The following PRKG1 variants were observed in gnomAD, a reference collection of about 807,000 sequenced individuals.
The protein encoded by PRKG1 is cGMP-dependent protein kinase 1.
PRKG1 carries 35 observed loss-of-function variants against 88.1 expected under a neutral mutation model. The ratio of observed to expected loss-of-function variants is 0.40; its 90% CI spans 0.30 to 0.53. The LOEUF (loss-of-function observed/expected upper bound fraction) is 0.53. Ranked by LOEUF, PRKG1 falls within the 20% of genes least tolerant of loss-of-function variation. The pLI is 0.59. For missense variants in PRKG1, 540 were observed against 839.8 expected, an observed-to-expected ratio of 0.64 and a Z score of 4.41; for synonymous variants, 303 against 292.5, an observed-to-expected ratio of 1.04 and a Z score of -0.37.
At chr10:51,362,446 T>G (rs1588881870) in intron 2 of PRKG1, among the ~76,000 whole-genome samples, 1 of 151,728 alleles carries the variant, frequency 6.6e-6, no homozygotes, top group Non-Finnish European at 1.5e-5. Flanking sequence ...ATTCATTAAA[T>G]TTTTAGAAAA....
chr10:51,002,636 C>G (rs1842901041), intron 1 of PRKG1, among the ~76,000 whole-genome samples: 1 of 152,130 alleles, frequency 6.6e-6, no homozygotes, highest in Non-Finnish European at 1.5e-5. Context: ...TTCAGCCTTC[C>G]TGTAAAAGGC....
At chr10:51,945,281 A>T (rs1447594267) in intron 5 of PRKG1, among the ~76,000 whole-genome samples, 6 of 150,278 alleles carry the variant, frequency 4.0e-5, no homozygotes, top group African/African-American at 9.8e-5. Context: ...TTGCAACCCC[A>T]GCCTTTTTTT....
intron 2 of PRKG1, among the ~76,000 whole-genome samples, chr10:51,293,929 T>A (rs1362462608): frequency 6.6e-6 from 1 of 152,176 alleles, no homozygotes; most frequent in Non-Finnish European, 1.5e-5. Flanking sequence ...AGGTGTGAGC[T>A]CATATCTCAT....
chr10:51,119,534 A>G (rs778002815), intron 1 of PRKG1, among the ~76,000 whole-genome samples: 3 of 152,018 alleles, frequency 2.0e-5, no homozygotes, highest in Non-Finnish European at 2.9e-5. Flanking sequence ...TCATATTTTG[A>G]TAGAGAAATT....
At chr10:51,234,405 A>G (rs1313888297) in intron 2 of PRKG1, among the ~76,000 whole-genome samples, 1 of 152,312 alleles carries the variant, frequency 6.6e-6, no homozygotes, top group East Asian at 1.9e-4. Flanking sequence ...CAACCTGTTC[A>G]CAAAGATATC....
chr10:51,204,899 G>A (rs1217378089), intron 2 of PRKG1, among the ~76,000 whole-genome samples: 1 of 151,998 alleles, frequency 6.6e-6, no homozygotes, highest in African/African-American at 2.4e-5. Flanking sequence ...AAGAATATTA[G>A]CAAATGCACT....
intron 3 of PRKG1, among the ~76,000 whole-genome samples, chr10:51,529,864 G>A (rs560624596): frequency 5.9e-5 from 9 of 152,188 alleles, no homozygotes; most frequent in East Asian, 1.9e-4. Flanking sequence ...TTATTGTAGC[G>A]GAGTTTGTCA....
intron 3 of PRKG1, among the ~76,000 whole-genome samples, chr10:51,665,149 G>A (rs889958432): frequency 6.6e-6 from 1 of 151,852 alleles, no homozygotes; most frequent in Non-Finnish European, 1.5e-5. Flanking sequence ...TCGTTATCTG[G>A]GCATAAATAA....
chr10:52,159,039 C>A (rs7919497), intron 8 of PRKG1, among the ~76,000 whole-genome samples: 8,972 of 151,160 alleles, frequency 0.059, 795 homozygotes, highest in African/African-American at 0.2. Flanking sequence ...GTATGAACAA[C>A]AATAAAGCTA....
chr10:52,005,698 G>T (rs1844716649), intron 5 of PRKG1, among the ~76,000 whole-genome samples: 1 of 152,128 alleles, frequency 6.6e-6, no homozygotes, highest in South Asian at 2.1e-4. Context: ...AATTTGCTGA[G>T]GGATGCAGTC....
Position 51,767,054 on chromosome 10 carries a change from A to C in PRKG1, c.593-37531A>C, listed in dbSNP as rs118125938. On this transcript the variant is annotated intron_variant, in intron 3 of 17. Transcript: ENST00000373980. ...TGTACTGAAGTTTTATATTTATCTGAAAGTCCTTTTTACTGGGAGTAAATA... is the reference window on the plus strand; with the variant it reads ...TGTACTGAAGTTTTATATTTATCTGCAAGTCCTTTTTACTGGGAGTAAATA... Among the ~76,000 whole-genome samples, 37 of 152,234 alleles carry C rather than the reference A, an allele frequency of 2.4e-4. No individual in the cohort carries two copies. The East Asian group carries it at 7.1e-3, about 29-fold the overall frequency.
chr10:51,019,392 G>A (rs554030136), intron 1 of PRKG1, among the ~76,000 whole-genome samples: 2 of 152,038 alleles, frequency 1.3e-5, no homozygotes, highest in Non-Finnish European at 1.5e-5. Context: ...CATTCAATGG[G>A]GAAAGGACAA....
intron 2 of PRKG1, among the ~76,000 whole-genome samples, chr10:51,370,302 G>C (rs527639462): frequency 3.9e-5 from 6 of 152,044 alleles, no homozygotes; most frequent in Non-Finnish European, 1.5e-5. Flanking sequence ...CGCTCCCTGG[G>C]TGCTAAATGG....
chr10:52,104,885 G>A (rs895532358), intron 7 of PRKG1, among the ~76,000 whole-genome samples: 10 of 152,114 alleles, frequency 6.6e-5, no homozygotes, highest in African/African-American at 2.2e-4. Flanking sequence ...TCACAATCCA[G>A]CCACAAATGT....
chr10:51,304,899 T>G (rs2132247217), intron 2 of PRKG1, among the ~76,000 whole-genome samples: 1 of 152,144 alleles, frequency 6.6e-6, no homozygotes, highest in East Asian at 1.9e-4. Flanking sequence ...CAGAAGTTTG[T>G]CACTTCCTTA....
intron 2 of PRKG1, among the ~76,000 whole-genome samples, chr10:51,406,639 A>C (rs1208405422): frequency 1.7e-5 from 2 of 117,510 alleles, no homozygotes; most frequent in South Asian, 5.2e-4. Flanking sequence ...TTTTTTTTTT[A>C]TGAGACCCTT....
chr10:51,344,354 C>G (rs972263198), intron 2 of PRKG1, among the ~76,000 whole-genome samples: 1 of 152,142 alleles, frequency 6.6e-6, no homozygotes, highest in African/African-American at 2.4e-5. Flanking sequence ...AAACTATCCA[C>G]GAGAATTCCA....
rs769714848 is a variant in PRKG1 at position 51,021,341 on chromosome 10, G to T, written c.266+29697G>T. Among the ~76,000 whole-genome samples, 3 of 152,100 alleles carry T rather than the reference G, an allele frequency of 2.0e-5. No individual in the cohort carries two copies. In the East Asian group the frequency reaches 5.8e-4, roughly 29 times the overall value. ...GTAAGGTCCTAATGACAAACCATACGTCCGTAACAATTTTACCAAAGAATA... is the reference window on the plus strand; with the variant it reads ...GTAAGGTCCTAATGACAAACCATACTTCCGTAACAATTTTACCAAAGAATA... On this transcript the variant is annotated intron_variant, in intron 1 of 17. Transcript: ENST00000401604.
At chr10:52,020,348 C>T (rs4500436) in intron 5 of PRKG1, among the ~76,000 whole-genome samples, 151,578 of 152,298 alleles carry the variant, frequency 1, 75,433 homozygotes, top group Middle Eastern at 1. Context: ...TATTTGTTGA[C>T]TGAATGATAA....
Sources: allele counts gnomAD v4.1 joint callset (sites outside exome capture counted in the v4.1 genomes callset), GRCh38; gene constraint gnomAD v4.1.1; transcripts MANE v1.5; gene names NCBI Gene and HGNC (gene_info 2026-07-23, HGNC 2026-07-21).